Variants in SYT1 observed in about 807,000 individuals in gnomAD.
SYT1 encodes synaptotagmin-1.
SYT1 carries 8 observed loss-of-function variants against 44.8 expected under a neutral mutation model. That is an observed-to-expected ratio of 0.18 (90% confidence interval 0.10 to 0.32). The LOEUF is 0.32. SYT1 is among the 10% of genes least tolerant of loss of function. SYT1 has a pLI of 1.00. For synonymous variants in SYT1, 154 were observed against 188.8 expected, an observed-to-expected ratio of 0.82 and a Z score of 1.51; for missense variants, 286 against 509.3, an observed-to-expected ratio of 0.56 and a Z score of 4.22.
chr12:78,883,116 G>T (rs571723736), intron 1 of SYT1, among the ~76,000 whole-genome samples: 7 of 151,794 alleles, frequency 4.6e-5, no homozygotes, highest in African/African-American at 1.7e-4. Flanking sequence ...GAGATTCTAT[G>T]TGTGTATTTC....
rs953466724 is a variant in SYT1 at position 79,081,663 on chromosome 12, G to A, written c.-18+34301G>A. ...CAAAGTGCTGGGCTTACGGGTGTGA[G>A]CCACGGTGCCCAGCCCAAGTTCACT... On this transcript the variant is annotated intron_variant, in intron 3 of 10. Coordinates refer to ENST00000261205, the MANE Select transcript of SYT1 (RefSeq NM_005639.3). 2.0e-5 allele frequency among the ~76,000 whole-genome samples: 3 copies of A among 152,134 alleles called. No homozygotes were observed. The East Asian group carries it at 5.8e-4, about 29-fold the overall frequency.
chr12:79,328,046 A>C (rs893672423), intron 8 of SYT1, among the ~76,000 whole-genome samples: 1 of 152,224 alleles, frequency 6.6e-6, no homozygotes, highest in African/African-American at 2.4e-5. Context: ...TAAAGCTGTC[A>C]GTGGCCACAT....
At chr12:78,909,245 G>A (rs1389888000) in intron 1 of SYT1, among the ~76,000 whole-genome samples, 2 of 151,860 alleles carry the variant, frequency 1.3e-5, no homozygotes, top group African/African-American at 2.4e-5. Flanking sequence ...ATTACTTTAT[G>A]AAATTAAAGT....
At chr12:79,123,309 A>ATGTGTGTGTGTGTGTGTGTGTG (rs66869713) in intron 3 of SYT1, among the ~76,000 whole-genome samples, 45 of 141,630 alleles carry the variant, frequency 3.2e-4, no homozygotes, top group African/African-American at 1.2e-3. Flanking sequence ...TAAAAATGCA[A>ATGTGTGTGTGTGTGTGTGTGTG]TGTGTGTGTG....
Position 79,449,510 on chromosome 12 carries a change from T to C in SYT1, c.*386T>C. On this transcript the variant is annotated 3_prime_UTR_variant, in exon 11 of 11. Coordinates refer to ENST00000261205, the MANE Select transcript of SYT1 (RefSeq NM_005639.3). ...TAATAAGATGTTCTATTTTAAACTA[T>C]GTAAATTGACTGAGATATAGGAGAG... 1 of 188,096 alleles carries C rather than the reference T, an allele frequency of 5.3e-6. No homozygotes were observed. Among genetic ancestry groups the C allele is most frequent in the Non-Finnish European group, 1.1e-5 (1 of 89,740 alleles). 11.7% of individuals were successfully genotyped at this position (188,096 alleles called of 1,614,324 possible).
At chr12:79,038,817 T>C (rs1404035763) in intron 2 of SYT1, among the ~76,000 whole-genome samples, 3 of 151,986 alleles carry the variant, frequency 2.0e-5, no homozygotes, top group Non-Finnish European at 4.4e-5. Flanking sequence ...TTAAAGCCAA[T>C]CCTAAATAAA....
At chr12:79,307,499 C>G (rs1017075580) in intron 8 of SYT1, among the ~76,000 whole-genome samples, 1 of 152,044 alleles carries the variant, frequency 6.6e-6, no homozygotes, top group African/African-American at 2.4e-5. Flanking sequence ...CCTGACCTTC[C>G]GAGCTGGCGG....
At chr12:79,219,790 G>T (rs1875043543) in intron 4 of SYT1, among the ~76,000 whole-genome samples, 1 of 151,984 alleles carries the variant, frequency 6.6e-6, no homozygotes, top group Non-Finnish European at 1.5e-5. Context: ...TTCGAAGTCA[G>T]GTAGTGTGTT....
At chr12:78,869,322 C>CA (rs1475787505) in intron 1 of SYT1, among the ~76,000 whole-genome samples, 1 of 151,882 alleles carries the variant, frequency 6.6e-6, no homozygotes, top group African/African-American at 2.4e-5. Context: ...GGTATGTGAA[C>CA]ATCACTCCAT....
intron 3 of SYT1, among the ~76,000 whole-genome samples, chr12:79,199,252 A>T (rs1758678929): frequency 6.6e-6 from 1 of 152,136 alleles, no homozygotes; most frequent in Non-Finnish European, 1.5e-5. Context: ...TAATCAGCAG[A>T]TTTCCACAGA....
intron 8 of SYT1, among the ~76,000 whole-genome samples, chr12:79,342,953 T>C (rs748538156): frequency 2.0e-5 from 3 of 152,216 alleles, no homozygotes; most frequent in Admixed American, 6.5e-5. Context: ...TTCCATATTA[T>C]AACTAAAACC....
At chr12:79,119,479 G>GTT (rs138880594) in intron 3 of SYT1, among the ~76,000 whole-genome samples, 2 of 148,010 alleles carry the variant, frequency 1.4e-5, no homozygotes, top group Non-Finnish European at 3.0e-5. Context: ...CACATAAGGT[G>GTT]TTTTTTTTTT....
intron 9 of SYT1, among the ~76,000 whole-genome samples, chr12:79,438,415 G>A (rs1019992458): frequency 1.3e-5 from 2 of 152,158 alleles, no homozygotes. Flanking sequence ...CAACGTGCTA[G>A]GTACTGATTG....
intron 3 of SYT1, among the ~76,000 whole-genome samples, chr12:79,205,998 C>T (rs770792864): frequency 6.6e-6 from 1 of 152,020 alleles, no homozygotes; most frequent in Non-Finnish European, 1.5e-5. Flanking sequence ...CTACAAGATG[C>T]ACCATTATTT....
At chr12:78,997,131 A>G (rs957780510) in intron 2 of SYT1, among the ~76,000 whole-genome samples, 1 of 152,206 alleles carries the variant, frequency 6.6e-6, no homozygotes, top group Non-Finnish European at 1.5e-5. Flanking sequence ...TCCAATTCCA[A>G]ACTGGCAGGA....
intron 3 of SYT1, among the ~76,000 whole-genome samples, chr12:79,205,506 AC>A (rs1874069829): frequency 1.3e-5 from 2 of 152,172 alleles, no homozygotes; most frequent in African/African-American, 4.8e-5. Context: ...TATCAGCAAA[AC>A]AATGTTAAAC....
At chr12:79,443,152 T>G (rs1439765125) in intron 9 of SYT1, among the ~76,000 whole-genome samples, 1 of 152,168 alleles carries the variant, frequency 6.6e-6, no homozygotes, top group Non-Finnish European at 1.5e-5. Flanking sequence ...AGGGGATCTT[T>G]ATGCTCCTTT....
intron 3 of SYT1, among the ~76,000 whole-genome samples, chr12:79,074,329 G>T (rs994038637): frequency 1.3e-5 from 2 of 152,062 alleles, no homozygotes; most frequent in South Asian, 4.1e-4. Flanking sequence ...TGTGTATTCA[G>T]TACTGCCCTG....
intron 1 of SYT1, among the ~76,000 whole-genome samples, chr12:78,877,269 G>A (rs1013815358): frequency 4.6e-5 from 7 of 151,388 alleles, no homozygotes; most frequent in African/African-American, 1.7e-4. Context: ...GAGAGAGCAT[G>A]TATAGGGGAA....
Sources: allele counts gnomAD v4.1 joint callset (sites outside exome capture counted in the v4.1 genomes callset), GRCh38; gene constraint gnomAD v4.1.1; transcripts MANE v1.5; gene names NCBI Gene and HGNC (gene_info 2026-07-23, HGNC 2026-07-21).